EML6: variants seen among roughly 807,000 people sequenced by gnomAD.
The protein encoded by EML6 is EMAP like 6, also known as echinoderm microtubule-associated protein-like 6.
EML6 carries 154 observed loss-of-function variants against 240.1 expected under a neutral mutation model. That is an observed-to-expected ratio of 0.64 (90% CI 0.56 to 0.73). EML6 has a LOEUF of 0.73. EML6 is among the 30% of genes least tolerant of loss of function. EML6 has a pLI of 0.00. For missense variants in EML6, 2,964 were observed against 2,474.6 expected, an observed-to-expected ratio of 1.20 and a Z score of -4.20; for synonymous variants, 1,148 against 899.0, an observed-to-expected ratio of 1.28 and a Z score of -4.95.
rs150113151 is a variant in EML6, at chr2:54,811,314, C to T, written c.198-1918C>T. 3.2e-4 allele frequency among the ~76,000 whole-genome samples: 48 copies of T among 152,298 alleles called. No homozygotes were observed. In the East Asian group the frequency reaches 9.1e-3, roughly 29 times the overall value. On this transcript the variant is annotated intron_variant, in intron 2 of 41. Coordinates refer to ENST00000356458, the MANE Select transcript of EML6 (RefSeq NM_001039753.4). ...GCTAAGGCAGCTTTCAAGAGCTGCC[C>T]CTGCCTGCCTGACCCATCTCATTTT...
intron 2 of EML6, among the ~76,000 whole-genome samples, chr2:54,771,748 A>G (rs1039911810): frequency 1.3e-5 from 2 of 152,232 alleles, no homozygotes; most frequent in African/African-American, 2.4e-5. Context: ...GTGTCCATAC[A>G]GTTTCTTTGA....
At chr2:54,793,852 C>A (rs1669606901) in intron 2 of EML6, among the ~76,000 whole-genome samples, 1 of 152,146 alleles carries the variant, frequency 6.6e-6, no homozygotes, top group Admixed American at 6.5e-5. Flanking sequence ...CCCTGGAACT[C>A]CAGCCTAGGT....
chr2:54,948,732 A>T, intron 28 of EML6, 150 bp from the exon 29 acceptor site: 2 of 607,526 alleles, frequency 3.3e-6, no homozygotes. Context: ...GGAGTGAGAG[A>T]GGAGGGCAGG....
At chr2:54,738,184 T>G (rs1221095197) in intron 2 of EML6, among the ~76,000 whole-genome samples, 1 of 152,164 alleles carries the variant, frequency 6.6e-6, no homozygotes, top group African/African-American at 2.4e-5. Flanking sequence ...GCAGGGCTGT[T>G]TCATTCACTG....
chr2:54,750,126 C>T (rs1684092555), intron 2 of EML6, among the ~76,000 whole-genome samples: 1 of 152,222 alleles, frequency 6.6e-6, no homozygotes, highest in African/African-American at 2.4e-5. Flanking sequence ...GACTATCCAT[C>T]GTGCACTGTC....
chr2:54,894,477 C>T lies in EML6; in HGVS notation c.2743-438C>T, dbSNP rs373197534. Among the ~76,000 whole-genome samples, 4 of 152,148 alleles carry T rather than the reference C, an allele frequency of 2.6e-5. No homozygotes were observed. The South Asian group carries it at 6.2e-4, about 24-fold the overall frequency. ...ATAAATAATGATGTTTTCTTCTGGA[C>T]ATGACTTTTATTTTTAAATGTTTAA... On this transcript the variant is annotated intron_variant, in intron 19 of 41. Coordinates refer to ENST00000356458, the MANE Select transcript of EML6 (RefSeq NM_001039753.4).
intron 28 of EML6, among the ~76,000 whole-genome samples, chr2:54,933,770 A>C (rs549367387): frequency 2.0e-5 from 3 of 151,986 alleles, no homozygotes; most frequent in African/African-American, 7.2e-5. Flanking sequence ...AACCCCCACT[A>C]TCCTATATGT....
chr2:54,791,321 T>G (rs1669440153), intron 2 of EML6, among the ~76,000 whole-genome samples: 2 of 152,158 alleles, frequency 1.3e-5, no homozygotes, highest in Admixed American at 1.3e-4. Flanking sequence ...TGAAGATAAT[T>G]TATTGGGAAG....
In EML6 at chr2:54,850,004, C is replaced by T; in HGVS notation, c.1230C>T (p.Val410=). 6.4e-7 allele frequency: 1 copy of T among 1,551,396 alleles called. No individual in the cohort carries two copies. Among genetic ancestry groups the T allele is most frequent in the Non-Finnish European group, 8.7e-7 (1 of 1,146,692 alleles). The change falls in exon 10 of 42, where the codon GTC becomes GTT. Residue 410 remains valine, a synonymous_variant. Transcript: ENST00000356458. ...EVVHIKDRKE[V]IHEMKFSPDG... ...TTCACATCAAAGATCGAAAAGAAGT[C>T]ATTCATGAAATGAAATTTTCTCCAG... is the stretch of plus-strand genomic sequence containing the variant.
intron 2 of EML6, among the ~76,000 whole-genome samples, chr2:54,767,618 G>T (rs2631846): frequency 6.9e-6 from 1 of 144,906 alleles, no homozygotes; most frequent in South Asian, 2.3e-4. Context: ...GTGTGTGTGT[G>T]TGTGTGTGTG....
chr2:54,879,741 T>A, intron 17 of EML6, 101 bp downstream of exon 17: 1 of 767,188 alleles, frequency 1.3e-6, no homozygotes. Context: ...CAAACTCAGG[T>A]GAAATTGACG....
In EML6 at chr2:54,971,969, T is replaced by C. The variant is rs1055873372; in HGVS notation, c.*1874T>C. ...GGTGCATGAATTTATTTTCAAAGTA[T>C]AAAACACATCACTTAAACATTTTAT... On this transcript the variant is annotated 3_prime_UTR_variant, in exon 42 of 42. Coordinates refer to ENST00000356458, the MANE Select transcript of EML6 (RefSeq NM_001039753.4). The C allele has an allele frequency of 9.2e-5, 14 of 152,218 alleles. No homozygotes were observed. Among genetic ancestry groups the C allele is most frequent in the Non-Finnish European group, 2.1e-4 (14 of 68,034 alleles). The allele number at this position is 152,218 out of a possible 1,614,324, so 9.4% of individuals were successfully genotyped here.
chr2:54,757,362 T>C (rs113789415), intron 2 of EML6, among the ~76,000 whole-genome samples: 3,709 of 152,232 alleles, frequency 0.024, 150 homozygotes, highest in African/African-American at 0.084. Context: ...GTTAAGGTGG[T>C]GCACCGCCTT....
At chr2:54,733,666 C>T (rs2104383081) in intron 2 of EML6, among the ~76,000 whole-genome samples, 1 of 152,180 alleles carries the variant, frequency 6.6e-6, no homozygotes, top group Middle Eastern at 3.2e-3. Context: ...CCCAAAAATC[C>T]ACCTCAGTCC....
chr2:54,781,515 T>C (rs1668856186), intron 2 of EML6, among the ~76,000 whole-genome samples: 1 of 152,146 alleles, frequency 6.6e-6, no homozygotes, highest in African/African-American at 2.4e-5. Context: ...TGAGTGAAAA[T>C]TTTGAAATCT....
chr2:54,958,495 A>ATT (rs149140092), intron 33 of EML6, among the ~76,000 whole-genome samples: 3 of 150,362 alleles, frequency 2.0e-5, no homozygotes, highest in African/African-American at 7.3e-5. Context: ...CCTGGCCAAT[A>ATT]TTTTTTTTTT....
chr2:54,787,679 TG>T (rs1669164510), intron 2 of EML6, among the ~76,000 whole-genome samples: 1 of 152,210 alleles, frequency 6.6e-6, no homozygotes, highest in Non-Finnish European at 1.5e-5. Context: ...ATTTTGCTCA[TG>T]GGGAACTTGG....
intron 2 of EML6, among the ~76,000 whole-genome samples, chr2:54,731,958 C>A (rs946572105): frequency 6.6e-6 from 1 of 152,178 alleles, no homozygotes; most frequent in African/African-American, 2.4e-5. Flanking sequence ...TCCACATCGT[C>A]AAGATTTACT....
At chr2:54,812,623 C>T (rs1481409609) in intron 2 of EML6, among the ~76,000 whole-genome samples, 2 of 151,856 alleles carry the variant, frequency 1.3e-5, no homozygotes, top group African/African-American at 2.4e-5. Flanking sequence ...TATCGAACTA[C>T]AGAGAAAAAT....
Sources: allele counts gnomAD v4.1 joint callset (sites outside exome capture counted in the v4.1 genomes callset), GRCh38; gene constraint gnomAD v4.1.1; transcripts MANE v1.5; gene names NCBI Gene and HGNC (gene_info 2026-07-23, HGNC 2026-07-21).